IFNAR1: variants seen among roughly 807,000 people sequenced by gnomAD.
IFNAR1 encodes the protein interferon alpha/beta receptor 1.
Under a neutral mutation model 62.1 loss-of-function variants are expected in IFNAR1, and 47 were observed. The ratio of observed to expected loss-of-function variants is 0.76; its 90% CI spans 0.60 to 0.97. The LOEUF is 0.97. Ranked by LOEUF, IFNAR1 falls within the 50% of genes least tolerant of loss-of-function variation. The pLI is 0.00. For missense variants in IFNAR1, 638 were observed against 654.5 expected (o/e 0.97, Z 0.27); for synonymous variants, 219 against 226.9 (o/e 0.97, Z 0.31).
intron 1 of IFNAR1, among the ~76,000 whole-genome samples, chr21:33,333,844 C>T (rs1197430136): frequency 2.0e-5 from 3 of 151,786 alleles, no homozygotes; most frequent in East Asian, 1.9e-4. Context: ...AGGATGGTCT[C>T]GATCTCCTGA....
chr21:33,333,261 A>G (rs1270429667), intron 1 of IFNAR1, among the ~76,000 whole-genome samples: 1 of 152,242 alleles, frequency 6.6e-6, no homozygotes, highest in Non-Finnish European at 1.5e-5. Context: ...TGAGGGAGAA[A>G]TACAGTTTTT....
rs776948576 is a variant in IFNAR1 at position 33,335,561 on chromosome 21, C to T, written c.114C>T (p.Val38=). The change falls in exon 2 of 11, where the codon GTC becomes GTT. Residue 38 remains valine, a synonymous_variant. Transcript: ENST00000270139. ...TAAAATCTCCTCAAAAAGTAGAGGT[C>T]GACATCATAGATGACAACTTTATCC... ...KNLKSPQKVE[V]DIIDDNFILR... 39 of 1,604,026 alleles carry T rather than the reference C, an allele frequency of 2.4e-5. No homozygotes were observed. Among genetic ancestry groups the T allele is most frequent in the Non-Finnish European group, 2.8e-5 (33 of 1,174,002 alleles).
rs2083477623 is a variant in IFNAR1 at position 33,359,256 on chromosome 21, A to G, written c.*3707A>G. ...TTTTATTTCACTTGTGTTTTGTCTT[A>G]AACCCTACTGCTGGAAACAATTTTA... On this transcript the variant is annotated 3_prime_UTR_variant, in exon 11 of 11. Coordinates refer to ENST00000270139, the MANE Select transcript of IFNAR1 (RefSeq NM_000629.3). The G allele has an allele frequency of 6.6e-6, 1 of 152,176 alleles. No individual in the cohort carries two copies. The highest frequency in any genetic ancestry group is 2.4e-5 in the African/African-American group (1 of 41,438). The allele number at this position is 152,176 out of a possible 1,614,324, so 9.4% of individuals were successfully genotyped here. A position where few individuals can be genotyped will look rare whatever the true frequency, so the allele number is the denominator to read the frequency against.
At chr21:33,344,497 T>TTTTTTTTTTTTTTTTTTTTTG (rs2083326085) in intron 5 of IFNAR1, among the ~76,000 whole-genome samples, 1 of 152,126 alleles carries the variant, frequency 6.6e-6, no homozygotes, top group Non-Finnish European at 1.5e-5. Context: ...TCTCCCTTCT[T>TTTTTTTTTTTTTTTTTTTTTG]ATCCCCAATT....
intron 3 of IFNAR1, among the ~76,000 whole-genome samples, chr21:33,341,687 CTT>C (rs879570774): frequency 6.8e-6 from 1 of 147,434 alleles, no homozygotes. Context: ...TTATTTCTTT[CTT>C]TTTTTTTTTG....
chr21:33,333,614 A>ATTTTTTTTTTTTTTTTTT lies in IFNAR1; in HGVS notation c.77-1899_77-1898insTTTTTTTTTTTTTTTTTT, dbSNP rs59240203. Among the ~76,000 whole-genome samples the ATTTTTTTTTTTTTTTTTT allele has an allele frequency of 4.9e-3, 519 of 106,932 alleles. 27 individuals are homozygous for ATTTTTTTTTTTTTTTTTT. Among genetic ancestry groups the ATTTTTTTTTTTTTTTTTT allele is most frequent in the African/African-American group, 8.8e-3 (214 of 24,394 alleles). 70.2% of individuals were successfully genotyped at this position (106,932 alleles called of 152,430 possible). On this transcript the variant is annotated intron_variant, in intron 1 of 10. Coordinates refer to ENST00000270139, the MANE Select transcript of IFNAR1 (RefSeq NM_000629.3). ...CCATACTTAAAGAGACTGGCGGAAT[A>ATTTTTTTTTTTTTTTTTT]TTTTTTTTTTTCTTTTTTTTTTTTT... is the stretch of plus-strand genomic sequence containing the variant.
chr21:33,354,939 T>C (rs1411077287), intron 10 of IFNAR1, among the ~76,000 whole-genome samples: 1 of 152,148 alleles, frequency 6.6e-6, no homozygotes. Context: ...AATTTCTCAA[T>C]TGTGCTTCTT....
chr21:33,350,152 A>G (rs1222424237), intron 8 of IFNAR1, among the ~76,000 whole-genome samples: 1 of 150,854 alleles, frequency 6.6e-6, no homozygotes, highest in Non-Finnish European at 1.5e-5. Flanking sequence ...GATTCTCAGC[A>G]CTATTGACGT....
chr21:33,342,836 G>A (rs565118061), intron 3 of IFNAR1, among the ~76,000 whole-genome samples: 18 of 151,842 alleles, frequency 1.2e-4, no homozygotes, highest in African/African-American at 3.9e-4. Context: ...CAGCCTGGGC[G>A]ACAGAGCGAG....
intron 2 of IFNAR1, among the ~76,000 whole-genome samples, chr21:33,338,912 T>C (rs1454468054): frequency 6.6e-6 from 1 of 151,958 alleles, no homozygotes; most frequent in Non-Finnish European, 1.5e-5. Context: ...CCGGCTAATT[T>C]TGTATTTTTA....
rs17875850 is a variant in IFNAR1 at position 33,353,860 on chromosome 21, G to A, written c.1440+77G>A. 4,065 of 981,120 alleles carry A rather than the reference G, an allele frequency of 4.1e-3. 119 individuals carry two copies. In the African/African-American group the frequency reaches 0.063, roughly 15 times the overall value. The allele number at this position is 981,120 out of a possible 1,614,324, so 60.8% of individuals were successfully genotyped here. A position where few individuals can be genotyped will look rare whatever the true frequency, so the allele number is the denominator to read the frequency against. On this transcript the variant is annotated intron_variant, in intron 10 of 10. Coordinates refer to ENST00000270139, the MANE Select transcript of IFNAR1 (RefSeq NM_000629.3). ...TGTGTTTGATTTCAACAGGATATAT[G>A]TAGGTTTTCTTGATATCCAGAAAAT...
chr21:33,341,151 A>G lies in IFNAR1; in HGVS notation c.353A>G (p.Asp118Gly). Residue 118 changes from aspartate (D) to glycine (G), a missense_variant, in exon 3 of 11, where the codon GAC (aspartate) becomes GGC (glycine). Coordinates refer to ENST00000270139, the MANE Select transcript of IFNAR1 (RefSeq NM_000629.3). ...KENTSSWYEV[D>G]SFTPFRKAQI... is the part of the protein sequence containing the mutation. Reference sequence around the variant, plus strand: ...AACACTTCTTCATGGTATGAGGTTGACTCATTTACACCATTTCGCAAAGGT... The same window carrying G: ...AACACTTCTTCATGGTATGAGGTTGGCTCATTTACACCATTTCGCAAAGGT... The G allele has an allele frequency of 6.2e-7, 1 of 1,610,742 alleles. No homozygotes were observed. The highest frequency in any genetic ancestry group is 2.2e-5 in the East Asian group (1 of 44,752).
chr21:33,337,860 A>G (rs1445309433), intron 2 of IFNAR1, among the ~76,000 whole-genome samples: 1 of 151,790 alleles, frequency 6.6e-6, no homozygotes. Context: ...ATCTCTAGAG[A>G]TTTTCATTAA....
chr21:33,349,790 G>A (rs1225800316), intron 8 of IFNAR1, among the ~76,000 whole-genome samples: 3 of 151,954 alleles, frequency 2.0e-5, no homozygotes, highest in Non-Finnish European at 4.4e-5. Context: ...GCCTGGTGTG[G>A]TGGCGTGCAC....
intron 8 of IFNAR1, among the ~76,000 whole-genome samples, chr21:33,351,767 T>TTGG (rs948653135): frequency 1.3e-5 from 2 of 151,860 alleles, no homozygotes; most frequent in Admixed American, 6.6e-5. Flanking sequence ...CCAGGCTTTT[T>TTGG]TGGTGGTGGT....
At position 33,335,604 on chromosome 21, in the gene IFNAR1, G is replaced by A. The variant is rs377298705; in HGVS notation, c.157G>A (p.Asp53Asn). 3.1e-5 allele frequency: 50 copies of A among 1,605,128 alleles called. No homozygotes were observed. Among genetic ancestry groups the A allele is most frequent in the East Asian group, 1.8e-4 (8 of 44,438 alleles). Reference protein sequence around the residue: ...DNFILRWNRSDESVGNVTFSF... With the variant: ...DNFILRWNRSNESVGNVTFSF... The stretch of plus-strand genomic sequence containing the variant: ...CTTTATCCTGAGGTGGAACAGGAGC[G>A]ATGAGTCTGTCGGGAATGTGACTTT... Residue 53 changes from aspartate to asparagine, a missense_variant, in exon 2 of 11, where the codon GAT (aspartate) becomes AAT (asparagine). Asp to Asn is a conservative substitution (Grantham distance 23). Coordinates refer to ENST00000270139, the MANE Select transcript of IFNAR1 (RefSeq NM_000629.3).
chr21:33,332,486 A>G (rs2083190501), intron 1 of IFNAR1, among the ~76,000 whole-genome samples: 1 of 152,222 alleles, frequency 6.6e-6, no homozygotes, highest in Admixed American at 6.5e-5. Context: ...AGGAAATATG[A>G]CACCACCAAA....
chr21:33,358,018 A>G lies in IFNAR1; in HGVS notation c.*2469A>G, dbSNP rs1198492687. On this transcript the variant is annotated 3_prime_UTR_variant, in exon 11 of 11. Coordinates refer to ENST00000270139, the MANE Select transcript of IFNAR1 (RefSeq NM_000629.3). ...AGACTGGATAGCCTAAAAAGGAGCA[A>G]TGCCCTTGTAGGATGTGGAGAAGGG... is the stretch of plus-strand genomic sequence containing the variant. The G allele has an allele frequency of 6.6e-6, 1 of 152,214 alleles. No homozygotes were observed. The highest frequency in any genetic ancestry group is 2.4e-5 in the African/African-American group (1 of 41,440). The allele number at this position is 152,214 out of a possible 1,614,324, so 9.4% of individuals were successfully genotyped here. A position where few individuals can be genotyped will look rare whatever the true frequency, so the allele number is the denominator to read the frequency against.
chr21:33,333,144 C>T (rs2083197565), intron 1 of IFNAR1, among the ~76,000 whole-genome samples: 1 of 152,342 alleles, frequency 6.6e-6, no homozygotes, highest in Middle Eastern at 3.4e-3. Flanking sequence ...AATCCCCATT[C>T]AGCTAACAGC....
Sources: gnomAD v4.1 joint callset for allele counts (sites outside exome capture counted in the v4.1 genomes callset) on GRCh38, gnomAD v4.1.1 for gene constraint, MANE v1.5 for transcripts, NCBI Gene and HGNC (gene_info 2026-07-23, HGNC 2026-07-21) for gene names.